Variants in TIAM1 observed in about 807,000 individuals in gnomAD.
TIAM1 encodes the protein TIAM Rac1 associated GEF 1, also known as rho guanine nucleotide exchange factor TIAM1.
TIAM1 carries 65 observed loss-of-function variants against 163.5 expected under a neutral mutation model. The observed-to-expected ratio is 0.40, with a 90% CI of 0.33 to 0.49. The LOEUF (loss-of-function observed/expected upper bound fraction) is 0.49. Ranked by LOEUF, TIAM1 falls within the 20% of genes least tolerant of loss-of-function variation. TIAM1 has a pLI of 0.77. For missense variants in TIAM1, 1,789 were observed against 2,044.7 expected, an observed-to-expected ratio of 0.87 and a Z score of 2.41; for synonymous variants, 833 against 810.1, an observed-to-expected ratio of 1.03 and a Z score of -0.48.
chr21:31,529,742 C>T (rs1029694188), intron 1 of TIAM1, among the ~76,000 whole-genome samples: 2 of 151,550 alleles, frequency 1.3e-5, no homozygotes, highest in Non-Finnish European at 2.9e-5. Flanking sequence ...TGTTTATAAA[C>T]TTAAAGTCCA....
chr21:31,203,972 A>G (rs557286568), intron 11 of TIAM1, among the ~76,000 whole-genome samples: 7 of 152,390 alleles, frequency 4.6e-5, no homozygotes, highest in African/African-American at 1.7e-4. Context: ...TGAAATTTTC[A>G]AGGACCCTTT....
chr21:31,388,259 A>ACACACAC (rs1555964695), intron 2 of TIAM1, among the ~76,000 whole-genome samples: 6,730 of 98,020 alleles, frequency 0.069, 284 homozygotes, highest in East Asian at 0.14. Context: ...ACACACACAC[A>ACACACAC]ACCTCTTACG....
chr21:31,164,281 T>A (rs1276290287), intron 16 of TIAM1, among the ~76,000 whole-genome samples: 1 of 151,688 alleles, frequency 6.6e-6, no homozygotes, highest in East Asian at 1.9e-4. Flanking sequence ...TCCTAGCTAC[T>A]CGGGAGGCTG....
intron 2 of TIAM1, among the ~76,000 whole-genome samples, chr21:31,364,910 T>C (rs980880038): frequency 6.6e-5 from 10 of 152,238 alleles, no homozygotes; most frequent in African/African-American, 2.4e-4. Flanking sequence ...GCGAGCCATA[T>C]ACTCTCTATT....
chr21:31,219,141 G>C (rs1235356011), intron 8 of TIAM1, among the ~76,000 whole-genome samples: 3 of 143,528 alleles, frequency 2.1e-5, no homozygotes, highest in South Asian at 4.4e-4. Context: ...ATGTAAATCT[G>C]TCACCAGGAT....
intron 15 of TIAM1, among the ~76,000 whole-genome samples, chr21:31,175,643 G>C (rs1395607987): frequency 3.3e-5 from 5 of 152,146 alleles, no homozygotes; most frequent in Admixed American, 2.0e-4. Flanking sequence ...CTGTCGCCCA[G>C]GCTGGAATGC....
intron 2 of TIAM1, among the ~76,000 whole-genome samples, chr21:31,384,606 C>T (rs1177218488): frequency 2.0e-5 from 3 of 151,934 alleles, no homozygotes; most frequent in Non-Finnish European, 4.4e-5. Flanking sequence ...CTTTCCCAAC[C>T]TCCTTGAATT....
Position 31,164,258 on chromosome 21 carries a change from C to T in TIAM1, c.2991+704G>A, listed in dbSNP as rs558952929. 1.8e-4 allele frequency among the ~76,000 whole-genome samples: 27 copies of T among 152,106 alleles called. No homozygotes were observed. In the South Asian group the frequency reaches 3.1e-3, roughly 18 times the overall value. On this transcript the variant is annotated intron_variant, in intron 16 of 27. Transcript: ENST00000541036. The stretch of plus-strand genomic sequence containing the variant: ...ACAAAAAATTAGCAGGGCGTGGTGG[C>T]GGGTGCCTGTAGTCCTAGCTACTCG...
At chr21:31,482,655 A>C (rs989648817) in intron 1 of TIAM1, among the ~76,000 whole-genome samples, 3 of 152,194 alleles carry the variant, frequency 2.0e-5, no homozygotes, top group African/African-American at 7.2e-5. Flanking sequence ...GCCCAGAAGC[A>C]CAACAGAAGG....
chr21:31,125,412 A>G (rs1036089166), intron 26 of TIAM1, among the ~76,000 whole-genome samples: 21 of 152,254 alleles, frequency 1.4e-4, no homozygotes, highest in South Asian at 6.2e-4. Flanking sequence ...TAGACGGTAA[A>G]GGTGGTGCTC....
At chr21:31,257,425 C>G (rs1275827952) in intron 4 of TIAM1, among the ~76,000 whole-genome samples, 2 of 152,132 alleles carry the variant, frequency 1.3e-5, no homozygotes, top group Admixed American at 6.5e-5. Context: ...ATTGGAGAAG[C>G]TTTATGTCTA....
intron 2 of TIAM1, among the ~76,000 whole-genome samples, chr21:31,380,958 G>A (rs1029222300): frequency 6.6e-6 from 1 of 152,214 alleles, no homozygotes; most frequent in African/African-American, 2.4e-5. Flanking sequence ...TAGGTAAAAT[G>A]AGGAAAATAA....
rs1555893145 is a variant in TIAM1, at chr21:31,215,589, A to AAAAAAG, written c.2142+1963_2142+1964insCTTTTT. Among the ~76,000 whole-genome samples, 802 of 147,588 alleles carry AAAAAAG rather than the reference A, an allele frequency of 5.4e-3. 16 individuals are homozygous for AAAAAAG. Among genetic ancestry groups the AAAAAAG allele is most frequent in the African/African-American group, 0.02 (754 of 37,828 alleles). Reference sequence around the variant, plus strand: ...AAAAGAAAAAAAAAAAAAAAAAAAAAGAAGAGAAATGCTGATGGTTCATGT... The same window carrying AAAAAAG: ...AAAAGAAAAAAAAAAAAAAAAAAAAAAAAAAGGAAGAGAAATGCTGATGGTTCATGT... On this transcript the variant is annotated intron_variant, in intron 9 of 27. Coordinates refer to ENST00000541036, the MANE Select transcript of TIAM1 (RefSeq NM_001353694.2).
intron 2 of TIAM1, among the ~76,000 whole-genome samples, chr21:31,370,250 G>C (rs555362219): frequency 6.6e-6 from 1 of 152,280 alleles, no homozygotes; most frequent in East Asian, 1.9e-4. Context: ...TCAAAAAGAT[G>C]AGCTGTTAAA....
intron 1 of TIAM1, among the ~76,000 whole-genome samples, chr21:31,486,762 G>C (rs1468274966): frequency 1.3e-5 from 2 of 152,226 alleles, no homozygotes; most frequent in Non-Finnish European, 2.9e-5. Context: ...GGCAGTCCCA[G>C]GGCAGAAGCA....
chr21:31,445,645 T>G (rs2044594882), intron 2 of TIAM1, among the ~76,000 whole-genome samples: 1 of 152,194 alleles, frequency 6.6e-6, no homozygotes, highest in Non-Finnish European at 1.5e-5. Context: ...GCAGGCAGTA[T>G]CCAAAGACCT....
Position 31,381,106 on chromosome 21 carries a change from T to C in TIAM1, c.-368-41684A>G, listed in dbSNP as rs373334043. 2.2e-4 allele frequency among the ~76,000 whole-genome samples: 33 copies of C among 151,968 alleles called. No homozygotes were observed. In the East Asian group the frequency reaches 4.2e-3, roughly 20 times the overall value. Reference sequence around the variant, plus strand: ...AAACCTTGCTAGAAGACACAGATAATACAGTCCCTTTCTTCTATTAGATTA... The same window carrying C: ...AAACCTTGCTAGAAGACACAGATAACACAGTCCCTTTCTTCTATTAGATTA... On this transcript the variant is annotated intron_variant, in intron 2 of 28. Transcript: ENST00000286827.
At chr21:31,380,551 T>G (rs145243740) in intron 2 of TIAM1, among the ~76,000 whole-genome samples, 1 of 151,848 alleles carries the variant, frequency 6.6e-6, no homozygotes, top group African/African-American at 2.4e-5. Flanking sequence ...CTCAAAAAAA[T>G]AAAGTAATAT....
At chr21:31,150,158 G>A (rs1012275116) in intron 19 of TIAM1, among the ~76,000 whole-genome samples, 9 of 152,100 alleles carry the variant, frequency 5.9e-5, no homozygotes, top group Non-Finnish European at 1.3e-4. Context: ...TTTTCTGTAA[G>A]TCTGAAATTA....
Sources: allele counts gnomAD v4.1 joint callset (sites outside exome capture counted in the v4.1 genomes callset), GRCh38; gene constraint gnomAD v4.1.1; transcripts MANE v1.5; gene names NCBI Gene and HGNC (gene_info 2026-07-23, HGNC 2026-07-21).